VWA8: variants seen among roughly 807,000 people sequenced by gnomAD.
VWA8 encodes the protein von Willebrand factor A domain-containing protein 8.
Under a neutral mutation model 241.5 loss-of-function variants are expected in VWA8, and 221 were observed. The observed-to-expected ratio is 0.91, with a 90% confidence interval of 0.82 to 1.02. VWA8 has a LOEUF of 1.02. Ranked by LOEUF, VWA8 falls within the 50% of genes least tolerant of loss-of-function variation. The probability of loss-of-function intolerance (pLI) is 0.00; values close to 1 mark genes in which losing one functional copy is unlikely to be tolerated. For synonymous variants in VWA8, 852 were observed against 827.1 expected (o/e 1.03, Z -0.52); for missense variants, 2,322 against 2,328.7 (o/e 1.00, Z 0.06).
chr13:41,600,142 A>C (rs1269442501), intron 40 of VWA8, among the ~76,000 whole-genome samples: 1 of 152,104 alleles, frequency 6.6e-6, no homozygotes, highest in East Asian at 1.9e-4. Flanking sequence ...GTCCCAACAA[A>C]GTATATTTAG....
At chr13:41,677,408 T>C (rs2045067767) in intron 35 of VWA8, among the ~76,000 whole-genome samples, 1 of 152,040 alleles carries the variant, frequency 6.6e-6, no homozygotes, top group Non-Finnish European at 1.5e-5. Context: ...TCACAGAGAG[T>C]GCTTCTGATA....
rs1873091531 is a variant in VWA8, at chr13:41,863,240, C to T, written c.1425+2496G>A. ...GTGCTGGATGCTTCCTGCCCTCAAA[C>T]ATCAGAGTCCACATTCTCCAGTTTT... On this transcript the variant is annotated intron_variant, in intron 12 of 44. Coordinates refer to ENST00000379310, the MANE Select transcript of VWA8 (RefSeq NM_015058.2). Among the ~76,000 whole-genome samples the T allele has an allele frequency of 2.0e-5, 3 of 148,594 alleles. No individual in the cohort carries two copies. In the East Asian group the frequency reaches 5.8e-4, roughly 29 times the overall value.
chr13:41,662,931 C>T (rs773133522), intron 37 of VWA8, among the ~76,000 whole-genome samples: 1 of 152,110 alleles, frequency 6.6e-6, no homozygotes, highest in Non-Finnish European at 1.5e-5. Flanking sequence ...CTGAGAGTAC[C>T]ACTTCAATTT....
intron 4 of VWA8, among the ~76,000 whole-genome samples, chr13:41,896,782 C>T (rs1875128995): frequency 6.6e-6 from 1 of 152,140 alleles, no homozygotes; most frequent in South Asian, 2.1e-4. Flanking sequence ...TAAGATGAAA[C>T]CAAAACTCTC....
At chr13:41,781,731 T>C (rs114238610) in intron 19 of VWA8, among the ~76,000 whole-genome samples, 94 of 152,336 alleles carry the variant, frequency 6.2e-4, no homozygotes, top group African/African-American at 2.2e-3. Context: ...AATGAAGTAA[T>C]ACTCTTTATC....
intron 39 of VWA8, among the ~76,000 whole-genome samples, chr13:41,608,539 AAG>A (rs1218596654): frequency 3.9e-5 from 6 of 152,180 alleles, no homozygotes; most frequent in African/African-American, 1.4e-4. Context: ...ATTGTTACGT[AAG>A]AGTCTGGGAA....
chr13:41,748,919 TAGGC>T (rs1400548440), intron 21 of VWA8, among the ~76,000 whole-genome samples: 1 of 152,144 alleles, frequency 6.6e-6, no homozygotes. Context: ...GAAGAAAATC[TAGGC>T]AGTATCATTC....
rs73466986 is a variant in VWA8 at position 41,832,457 on chromosome 13, A to G, written c.1586+914T>C. 1.5e-3 allele frequency among the ~76,000 whole-genome samples: 236 copies of G among 152,350 alleles called. 1 individual carries two copies. The highest frequency in any genetic ancestry group is 5.2e-3 in the African/African-American group (218 of 41,576). On this transcript the variant is annotated intron_variant, in intron 13 of 44. Transcript: ENST00000379310. ...TGTAAATCTATGGAACGTTTATGGT[A>G]AATCACTGAAAGTTTGTGACTATTT... is the stretch of plus-strand genomic sequence containing the variant.
intron 29 of VWA8, among the ~76,000 whole-genome samples, chr13:41,693,774 A>G (rs1179918662): frequency 6.6e-6 from 1 of 152,078 alleles, no homozygotes; most frequent in Non-Finnish European, 1.5e-5. Flanking sequence ...AAAATTAAAT[A>G]TTTTAAAGGG....
intron 42 of VWA8, among the ~76,000 whole-genome samples, chr13:41,576,164 A>G (rs1386302551): frequency 6.6e-6 from 1 of 152,198 alleles, no homozygotes; most frequent in Non-Finnish European, 1.5e-5. Context: ...TGTGTTGTAG[A>G]GCAATGCAGT....
At chr13:41,754,749 A>G (rs1304593719) in intron 21 of VWA8, among the ~76,000 whole-genome samples, 1 of 151,846 alleles carries the variant, frequency 6.6e-6, no homozygotes, top group Non-Finnish European at 1.5e-5. Context: ...CTTCCGCAAC[A>G]CCCCACTATT....
chr13:41,922,388 T>A (rs1375403868), intron 2 of VWA8, among the ~76,000 whole-genome samples: 1 of 152,146 alleles, frequency 6.6e-6, no homozygotes, highest in Non-Finnish European at 1.5e-5. Flanking sequence ...GGACTTCATG[T>A]CTAAAACACC....
chr13:41,588,533 C>A (rs952192499), intron 41 of VWA8, among the ~76,000 whole-genome samples: 1 of 152,066 alleles, frequency 6.6e-6, no homozygotes, highest in Admixed American at 6.5e-5. Flanking sequence ...CCAGCCTGGG[C>A]AACACAGCAA....
intron 25 of VWA8, 102 bp from the exon 26 acceptor site, chr13:41,719,844 C>T: frequency 9.0e-7 from 1 of 1,107,826 alleles, no homozygotes; most frequent in Non-Finnish European, 1.2e-6. Flanking sequence ...TGAACTACAG[C>T]AGAAATTTAC....
Position 41,886,003 on chromosome 13 carries a change from T to C in VWA8, c.892A>G (p.Thr298Ala). ...GAAGATTCTTGGGAACACAGAGTTG[T>C]GGCAAAGGACAAGAGCTGAGAAACT... ...EKVSQLLSFATTLCSQESSTL... is the reference protein window; with the variant it reads ...EKVSQLLSFAATLCSQESSTL... Residue 298 changes from threonine (T) to alanine (A), a missense_variant, in exon 8 of 45, where the codon ACA becomes GCA. By Grantham distance (58) the Thr-to-Ala change is moderately conservative. Transcript: ENST00000379310. The C allele has an allele frequency of 6.2e-7, 1 of 1,604,946 alleles. No homozygotes were observed. Among genetic ancestry groups the C allele is most frequent in the Admixed American group, 1.7e-5 (1 of 57,646 alleles).
intron 42 of VWA8, among the ~76,000 whole-genome samples, chr13:41,576,665 C>G (rs1191549229): frequency 2.0e-5 from 3 of 152,152 alleles, no homozygotes; most frequent in Non-Finnish European, 2.9e-5. Flanking sequence ...TAAATGGAGG[C>G]CCATATATTA....
chr13:41,876,055 A>G (rs541655233), intron 9 of VWA8, among the ~76,000 whole-genome samples: 1 of 152,192 alleles, frequency 6.6e-6, no homozygotes, highest in African/African-American at 2.4e-5. Flanking sequence ...GCAAATCAAA[A>G]TGATTCTACC....
chr13:41,684,891 C>T (rs1220026687), intron 35 of VWA8, among the ~76,000 whole-genome samples, 156 bp downstream of exon 35: 1 of 152,152 alleles, frequency 6.6e-6, no homozygotes, highest in Non-Finnish European at 1.5e-5. Context: ...TAAGAACTTT[C>T]TGAATACGGA....
At chr13:41,953,978 G>A (rs1407735353) in intron 1 of VWA8, among the ~76,000 whole-genome samples, 3 of 152,110 alleles carry the variant, frequency 2.0e-5, no homozygotes, top group South Asian at 2.1e-4. Flanking sequence ...AAATCACAAC[G>A]GAAATTGGAC....
Sources: allele counts gnomAD v4.1 joint callset (sites outside exome capture counted in the v4.1 genomes callset), GRCh38; gene constraint gnomAD v4.1.1; transcripts MANE v1.5; gene names NCBI Gene and HGNC (gene_info 2026-07-23, HGNC 2026-07-21).